PIK3R1: variants seen among roughly 807,000 people sequenced by gnomAD.
The protein encoded by PIK3R1 is phosphoinositide-3-kinase regulatory subunit 1.
A neutral mutation model predicts 98.0 loss-of-function variants in PIK3R1; 29 were observed. The ratio of observed to expected loss-of-function variants is 0.30; its 90% CI spans 0.22 to 0.40. The LOEUF (loss-of-function observed/expected upper bound fraction) is 0.40. Among genes scored for constraint, PIK3R1 ranks in the 10% least tolerant of loss-of-function variants. PIK3R1 has a pLI of 1.00. For synonymous variants in PIK3R1, 282 were observed against 311.8 expected (o/e 0.90, Z 1.01); for missense variants, 596 against 872.7 (o/e 0.68, Z 3.99).
chr5:68,251,667 C>G (rs1451299801), intron 2 of PIK3R1, among the ~76,000 whole-genome samples: 2 of 152,054 alleles, frequency 1.3e-5, no homozygotes, highest in African/African-American at 2.4e-5. Flanking sequence ...AAGTAGGAAG[C>G]TTTTTTTATG....
intron 4 of PIK3R1, among the ~76,000 whole-genome samples, chr5:68,277,486 C>G (rs1746626403): frequency 6.6e-6 from 1 of 152,178 alleles, no homozygotes. Context: ...ATATCCTATT[C>G]CAGACCTACT....
chr5:68,298,042 G>A lies in PIK3R1; in HGVS notation c.*441G>A, dbSNP rs1747830951. ...GCCTGAGAAGGTTTGGTCCAGCCTG[G>A]TTTAGCCTGGATGTTGCTGTGCACG... is the stretch of plus-strand genomic sequence containing the variant. On this transcript the variant is annotated 3_prime_UTR_variant, in exon 16 of 16. Coordinates refer to ENST00000521381, the MANE Select transcript of PIK3R1 (RefSeq NM_181523.3). 1 of 233,900 alleles carries A rather than the reference G, an allele frequency of 4.3e-6. No individual in the cohort carries two copies. Among genetic ancestry groups the A allele is most frequent in the Non-Finnish European group, 8.4e-6 (1 of 118,528 alleles). 14.5% of individuals were successfully genotyped at this position (233,900 alleles called of 1,614,324 possible).
In PIK3R1 at chr5:68,301,339, C is replaced by T. The variant is rs1748029854; in HGVS notation, c.*3738C>T. The T allele has an allele frequency of 9.5e-6, 1 of 104,808 alleles. No individual in the cohort carries two copies. The highest frequency in any genetic ancestry group is 2.0e-5 in the Non-Finnish European group (1 of 50,544). The allele number at this position is 104,808 out of a possible 1,614,324, so 6.5% of individuals were successfully genotyped here. On this transcript the variant is annotated 3_prime_UTR_variant, in exon 16 of 16. Coordinates refer to ENST00000521381, the MANE Select transcript of PIK3R1 (RefSeq NM_181523.3). The stretch of plus-strand genomic sequence containing the variant: ...GAGATAGCATTAGCTGCCCAGGATG[C>T]TGCTATATATATATATATATATATA...
At chr5:68,234,424 G>A (rs1744591085) in intron 2 of PIK3R1, among the ~76,000 whole-genome samples, 1 of 152,210 alleles carries the variant, frequency 6.6e-6, no homozygotes, top group Non-Finnish European at 1.5e-5. Context: ...GTACTTACAT[G>A]ACCTCATTGC....
At position 68,239,783 on chromosome 5, in the gene PIK3R1, C is replaced by T. The variant is rs140299770; in HGVS notation, c.334+12774C>T. 411 of 465,352 alleles carry T rather than the reference C, an allele frequency of 8.8e-4. 3 individuals carry two copies. The highest frequency in any genetic ancestry group is 1.5e-3 in the Non-Finnish European group (356 of 234,612). 28.8% of individuals were successfully genotyped at this position (465,352 alleles called of 1,614,324 possible). A position where few individuals can be genotyped will look rare whatever the true frequency, so the allele number is the denominator to read the frequency against. On this transcript the variant is annotated intron_variant, in intron 2 of 15. Transcript: ENST00000521381. ...AGATGACTCCCTGGCTTGCCAGTGA[C>T]GTGTGATGCGGTCTGATATGACAAA...
intron 2 of PIK3R1, among the ~76,000 whole-genome samples, chr5:68,243,443 A>G (rs1398939141): frequency 2.0e-5 from 3 of 152,246 alleles, no homozygotes; most frequent in African/African-American, 7.2e-5. Context: ...CCCTGGGAAG[A>G]ACCATCTATG....
chr5:68,280,220 C>G (rs989898782), intron 5 of PIK3R1: 4 of 404,752 alleles, frequency 9.9e-6, no homozygotes, highest in Admixed American at 4.1e-5. Flanking sequence ...TTATCTGATG[C>G]TCCTCTGAGT....
At chr5:68,289,219 T>C (rs939927875) in intron 7 of PIK3R1, among the ~76,000 whole-genome samples, 13 of 152,152 alleles carry the variant, frequency 8.5e-5, no homozygotes, top group African/African-American at 3.1e-4. Flanking sequence ...AAGAATGTTT[T>C]TCTGAATCTT....
At chr5:68,294,440 C>G (rs1747573382) in intron 11 of PIK3R1, 96 bp from the exon 12 acceptor site, 2 of 807,506 alleles carry the variant, frequency 2.5e-6, no homozygotes, top group South Asian at 2.5e-5. Context: ...GAGTCCCACT[C>G]TGCTAATAAT....
At chr5:68,230,771 C>G (rs1744434181) in intron 2 of PIK3R1, among the ~76,000 whole-genome samples, 1 of 152,186 alleles carries the variant, frequency 6.6e-6, no homozygotes, top group South Asian at 2.1e-4. Flanking sequence ...ATCTCCTTCC[C>G]TTTGCATGGG....
chr5:68,234,857 G>C (rs1024782238), intron 2 of PIK3R1, among the ~76,000 whole-genome samples: 12 of 152,116 alleles, frequency 7.9e-5, no homozygotes, highest in African/African-American at 2.9e-4. Flanking sequence ...ACTGTCTGGG[G>C]TTGTCACTGT....
chr5:68,262,935 A>AGATGCATGTAGATACATG lies in PIK3R1; in HGVS notation c.335-10455_335-10454insGATGCATGTAGATACATG, dbSNP rs1561279147. Among the ~76,000 whole-genome samples the AGATGCATGTAGATACATG allele has an allele frequency of 6.8e-5, 6 of 88,066 alleles. 3 individuals are homozygous for AGATGCATGTAGATACATG. Among genetic ancestry groups the AGATGCATGTAGATACATG allele is most frequent in the Non-Finnish European group, 8.9e-5 (4 of 45,004 alleles). The allele number at this position is 88,066 out of a possible 152,430, so 57.8% of individuals were successfully genotyped here. A position where few individuals can be genotyped will look rare whatever the true frequency, so the allele number is the denominator to read the frequency against. ...GATACATGTAGATACATGTATACAT[A>AGATGCATGTAGATACATG]TATACATGTAGATACATGTAGATAC... On this transcript the variant is annotated intron_variant, in intron 2 of 15. Transcript: ENST00000521381.
intron 2 of PIK3R1, among the ~76,000 whole-genome samples, chr5:68,263,691 TATATC>T (rs1746002910): frequency 6.6e-6 from 1 of 152,226 alleles, no homozygotes; most frequent in Non-Finnish European, 1.5e-5. Context: ...TATATAGTCT[TATATC>T]AGTGATCTTT....
intron 2 of PIK3R1, among the ~76,000 whole-genome samples, chr5:68,230,809 G>A (rs933986064): frequency 1.3e-5 from 2 of 152,104 alleles, no homozygotes; most frequent in Non-Finnish European, 2.9e-5. Context: ...TGAGGATGAC[G>A]TTTTATTTTA....
intron 1 of PIK3R1, among the ~76,000 whole-genome samples, chr5:68,226,001 C>T (rs1168085472): frequency 2.0e-5 from 3 of 152,138 alleles, no homozygotes; most frequent in Admixed American, 1.3e-4. Context: ...TCTCTTATGA[C>T]ATGTACTAGT....
intron 2 of PIK3R1, among the ~76,000 whole-genome samples, chr5:68,255,527 T>TG (rs1385803587): frequency 6.6e-6 from 1 of 152,034 alleles, no homozygotes; most frequent in African/African-American, 2.4e-5. Flanking sequence ...AAATAGTGCT[T>TG]GGGGGGGAAA....
At chr5:68,297,375 C>T (rs775876727) in intron 15 of PIK3R1, 37 bp from the exon 16 acceptor site, 1 of 1,532,650 alleles carries the variant, frequency 6.5e-7, no homozygotes, top group Non-Finnish European at 8.9e-7. Flanking sequence ...TTGTCTTGGA[C>T]AAGCTCAAAA....
chr5:68,266,360 T>C lies in PIK3R1; in HGVS notation c.335-7030T>C, dbSNP rs554916025. Among the ~76,000 whole-genome samples, 4 of 152,354 alleles carry C rather than the reference T, an allele frequency of 2.6e-5. No homozygotes were observed. In the South Asian group the frequency reaches 8.3e-4, roughly 32 times the overall value. ...AGTTTGCCCTCAGCCAGAGATAGTG[T>C]GGTTCATCTGGAATGCCCCTGCCTT... is the stretch of plus-strand genomic sequence containing the variant. On this transcript the variant is annotated intron_variant, in intron 2 of 15. Coordinates refer to ENST00000521381, the MANE Select transcript of PIK3R1 (RefSeq NM_181523.3).
intron 2 of PIK3R1, among the ~76,000 whole-genome samples, chr5:68,227,845 A>C (rs557834873): frequency 6.6e-6 from 1 of 152,336 alleles, no homozygotes; most frequent in Non-Finnish European, 1.5e-5. Context: ...TTCACTGAAT[A>C]CTTTGCTTAA....
Sources: allele counts gnomAD v4.1 joint callset (sites outside exome capture counted in the v4.1 genomes callset), GRCh38; gene constraint gnomAD v4.1.1; transcripts MANE v1.5; gene names NCBI Gene and HGNC (gene_info 2026-07-23, HGNC 2026-07-21).